The following NFIB variants were observed in gnomAD, a reference collection of about 807,000 sequenced individuals.
NFIB encodes the protein nuclear factor 1 B-type.
Under a neutral mutation model 61.5 loss-of-function variants are expected in NFIB, and 11 were observed. That is an observed-to-expected ratio of 0.18 (90% CI 0.11 to 0.30). NFIB has a LOEUF of 0.30. Ranked by LOEUF, NFIB falls within the 10% of genes least tolerant of loss-of-function variation. The pLI, the probability that NFIB is intolerant of heterozygous loss-of-function variation, is 1.00. For synonymous variants in NFIB, 260 were observed against 216.5 expected, an observed-to-expected ratio of 1.20 and a Z score of -1.76; for missense variants, 471 against 608.9, an observed-to-expected ratio of 0.77 and a Z score of 2.38.
chr9:14,092,896 T>G (rs968953901), intron 10 of NFIB, among the ~76,000 whole-genome samples: 8 of 152,044 alleles, frequency 5.3e-5, no homozygotes, highest in African/African-American at 1.9e-4. Context: ...CATCTTCGCA[T>G]CTACCTACAA....
intron 1 of NFIB, among the ~76,000 whole-genome samples, chr9:14,337,479 C>T (rs184475990): frequency 2.2e-3 from 341 of 152,232 alleles, no homozygotes; most frequent in Non-Finnish European, 3.4e-3. Flanking sequence ...TGATGGGGTG[C>T]GGACCTGGCA....
the NFIB span, among the ~76,000 whole-genome samples, chr9:14,528,224 T>A: frequency 6.6e-6 from 1 of 152,172 alleles, no homozygotes; most frequent in Non-Finnish European, 1.5e-5. Flanking sequence ...AAAATTAACA[T>A]TGAGAACAAA....
At chr9:14,223,811 T>C (rs558497008) in intron 2 of NFIB, among the ~76,000 whole-genome samples, 3 of 152,280 alleles carry the variant, frequency 2.0e-5, no homozygotes, top group South Asian at 2.1e-4. Flanking sequence ...ATACCTGTGA[T>C]TGATAGAGAA....
chr9:14,484,757 T>A, the NFIB span, among the ~76,000 whole-genome samples: 1 of 152,174 alleles, frequency 6.6e-6, no homozygotes, highest in Non-Finnish European at 1.5e-5. Context: ...ATTAGAGGAT[T>A]AATGGTTAAT....
chr9:14,305,060 A>T (rs181461986), intron 2 of NFIB, among the ~76,000 whole-genome samples: 22 of 152,346 alleles, frequency 1.4e-4, no homozygotes, highest in African/African-American at 5.3e-4. Flanking sequence ...TTTATCTAAA[A>T]CCATGGTCTC....
In NFIB at chr9:14,100,553, C is replaced by CA. The variant is rs541928840; in HGVS notation, c.1468-12228dup. On this transcript the variant is annotated intron_variant, in intron 10 of 10. Coordinates refer to ENST00000380953, the MANE Select transcript of NFIB (RefSeq NM_001190737.2). Reference sequence around the variant, plus strand: ...GAAGCCCCGTCTCTACTAAAAAATACAAAAAAATTAGCCGGGCGTGGTGGC... The same window carrying CA: ...GAAGCCCCGTCTCTACTAAAAAATACAAAAAAAATTAGCCGGGCGTGGTGGC... 1.1e-3 allele frequency among the ~76,000 whole-genome samples: 160 copies of CA among 151,612 alleles called. 1 individual carries two copies. Among genetic ancestry groups the CA allele is most frequent in the African/African-American group, 3.7e-3 (151 of 41,336 alleles).
chr9:14,314,520 T>G (rs12001159), upstream of NFIB: 10,941 of 152,258 alleles, frequency 0.072, 450 homozygotes, highest in African/African-American at 0.083. Context: ...TCTCTTGCTT[T>G]CTTTCGTTGC....
chr9:14,425,607 ATTTTT>A, the NFIB span, among the ~76,000 whole-genome samples: 482 of 99,048 alleles, frequency 4.9e-3, no homozygotes, highest in Non-Finnish European at 8.0e-3. Flanking sequence ...TTGCTACATA[ATTTTT>A]TTTTTTTTTT....
the NFIB span, among the ~76,000 whole-genome samples, chr9:14,441,443 G>A: frequency 3.3e-5 from 5 of 152,184 alleles, no homozygotes; most frequent in African/African-American, 1.2e-4. Flanking sequence ...CCTTTATGGT[G>A]AACGTGCTTA....
intron 2 of NFIB, among the ~76,000 whole-genome samples, chr9:14,238,240 T>C (rs2053999183): frequency 6.6e-6 from 1 of 151,838 alleles, no homozygotes; most frequent in Non-Finnish European, 1.5e-5. Context: ...ACTGGAGGGA[T>C]GGTAGTATTG....
intron 2 of NFIB, among the ~76,000 whole-genome samples, chr9:14,183,066 G>C (rs1587394511): frequency 1.3e-5 from 2 of 151,966 alleles, no homozygotes; most frequent in East Asian, 1.9e-4. Context: ...GTGGCTCTAT[G>C]CTTAATAACA....
rs147412875 is a variant in NFIB, at chr9:14,216,542, CCCTCTGTGTGTGTGTGTGTG to C, written c.563-36782_563-36763del. Among the ~76,000 whole-genome samples the C allele has an allele frequency of 4.5e-3, 133 of 29,428 alleles. 1 individual carries two copies. The highest frequency in any genetic ancestry group is 0.022 in the African/African-American group (105 of 4,836). 19.3% of individuals were successfully genotyped at this position (29,428 alleles called of 152,430 possible). A position where few individuals can be genotyped will look rare whatever the true frequency, so the allele number is the denominator to read the frequency against. On this transcript the variant is annotated intron_variant, in intron 2 of 10. Coordinates refer to ENST00000380953, the MANE Select transcript of NFIB (RefSeq NM_001190737.2). ...TCTCTCTCTCTCTCTCTCTCTCTCT[CCCTCTGTGTGTGTGTGTGTG>C]TGTGTGTGTGTGTGTGTGTGTGTGT... is the stretch of plus-strand genomic sequence containing the variant.
At chr9:14,388,645 G>A (rs1001383429) in intron 1 of NFIB, among the ~76,000 whole-genome samples, 2 of 152,122 alleles carry the variant, frequency 1.3e-5, no homozygotes, top group African/African-American at 4.8e-5. Flanking sequence ...AATTATGAAT[G>A]GGGAGGATAT....
At chr9:14,295,630 C>A (rs941695414) in intron 2 of NFIB, among the ~76,000 whole-genome samples, 1 of 99,418 alleles carries the variant, frequency 1.0e-5, no homozygotes, top group African/African-American at 3.2e-5. Flanking sequence ...GACTCCTTCT[C>A]AAAAAACAAA....
intron 2 of NFIB, among the ~76,000 whole-genome samples, chr9:14,274,863 G>A (rs1442084909): frequency 1.3e-5 from 2 of 152,180 alleles, no homozygotes; most frequent in African/African-American, 4.8e-5. Flanking sequence ...AAGAGGTGGT[G>A]GAGTTCTGTT....
chr9:14,303,631 T>C (rs1276058799), intron 2 of NFIB, among the ~76,000 whole-genome samples: 2 of 152,216 alleles, frequency 1.3e-5, no homozygotes, highest in African/African-American at 4.8e-5. Context: ...TCAAAAACTT[T>C]CCAGTGTGCC....
chr9:14,392,495 A>G (rs749023951), intron 1 of NFIB, among the ~76,000 whole-genome samples: 1 of 152,240 alleles, frequency 6.6e-6, no homozygotes, highest in Non-Finnish European at 1.5e-5. Context: ...TGGGAGGCCA[A>G]GGCTGATGGA....
intron 2 of NFIB, among the ~76,000 whole-genome samples, chr9:14,255,391 T>C (rs571213331): frequency 6.6e-6 from 1 of 152,354 alleles, no homozygotes; most frequent in South Asian, 2.1e-4. Flanking sequence ...GGGGATTAAA[T>C]CTCAACTGTA....
At chr9:14,418,178 C>T in the NFIB span, among the ~76,000 whole-genome samples, 1 of 152,182 alleles carries the variant, frequency 6.6e-6, no homozygotes, top group Admixed American at 6.5e-5. Flanking sequence ...ATCAGAACTT[C>T]AATTTCTTTA....
Sources: allele counts gnomAD v4.1 joint callset (sites outside exome capture counted in the v4.1 genomes callset), GRCh38; gene constraint gnomAD v4.1.1; transcripts MANE v1.5; gene names NCBI Gene and HGNC (gene_info 2026-07-23, HGNC 2026-07-21).